RBFOX1: variants seen among roughly 807,000 people sequenced by gnomAD.
RBFOX1 encodes RNA binding fox-1 homolog 1.
Under a neutral mutation model 57.7 loss-of-function variants are expected in RBFOX1, and 8 were observed. That is an observed-to-expected ratio of 0.14 (90% confidence interval 0.08 to 0.25). RBFOX1 has a LOEUF of 0.25. Ranked by LOEUF, RBFOX1 falls within the 10% of genes least tolerant of loss-of-function variation. RBFOX1 has a pLI of 1.00. For missense variants in RBFOX1, 611 were observed against 548.5 expected (o/e 1.11, Z -1.14); for synonymous variants, 326 against 222.4 (o/e 1.47, Z -4.15).
At chr16:5,874,846 G>T (rs2057563980) in intron 4 of RBFOX1, among the ~76,000 whole-genome samples, 1 of 152,124 alleles carries the variant, frequency 6.6e-6, no homozygotes. Flanking sequence ...TCAGGAGGCT[G>T]AGACGGGAGG....
At chr16:6,860,568 C>T (rs923329626) in intron 3 of RBFOX1, among the ~76,000 whole-genome samples, 1 of 152,134 alleles carries the variant, frequency 6.6e-6, no homozygotes, top group African/African-American at 2.4e-5. Flanking sequence ...TAAATGCACA[C>T]ATGAAGGAGA....
chr16:7,344,915 C>T (rs2096965851), intron 4 of RBFOX1, among the ~76,000 whole-genome samples: 1 of 152,180 alleles, frequency 6.6e-6, no homozygotes, highest in African/African-American at 2.4e-5. Flanking sequence ...CGATATTGTG[C>T]CGCTGTCATT....
intron 4 of RBFOX1, among the ~76,000 whole-genome samples, chr16:7,122,681 A>C (rs538841540): frequency 6.6e-6 from 1 of 152,280 alleles, no homozygotes; most frequent in South Asian, 2.1e-4. Flanking sequence ...AAAGTTAAGT[A>C]TATGCTTATC....
At chr16:6,985,784 A>G (rs1457511878) in intron 3 of RBFOX1, among the ~76,000 whole-genome samples, 1 of 143,132 alleles carries the variant, frequency 7.0e-6, no homozygotes, top group Non-Finnish European at 1.5e-5. Context: ...CAATGAGCTT[A>G]GTTGGTGCTA....
At chr16:7,670,536 C>T (rs753045483) in intron 13 of RBFOX1, among the ~76,000 whole-genome samples, 18 of 152,000 alleles carry the variant, frequency 1.2e-4, no homozygotes, top group Admixed American at 8.5e-4. Context: ...AAAAGCATAA[C>T]GGGGTGGTTA....
At chr16:7,563,465 T>C (rs1375673888) in intron 5 of RBFOX1, among the ~76,000 whole-genome samples, 2 of 152,186 alleles carry the variant, frequency 1.3e-5, no homozygotes, top group African/African-American at 4.8e-5. Flanking sequence ...TATATATACA[T>C]GTTTTTTTCT....
chr16:7,070,229 A>G (rs982586750), intron 4 of RBFOX1, among the ~76,000 whole-genome samples: 1 of 152,220 alleles, frequency 6.6e-6, no homozygotes, highest in Non-Finnish European at 1.5e-5. Context: ...TTGCTCACAT[A>G]TGAGGAGACT....
chr16:6,858,668 A>T (rs1307448175), intron 3 of RBFOX1, among the ~76,000 whole-genome samples: 1 of 152,188 alleles, frequency 6.6e-6, no homozygotes, highest in African/African-American at 2.4e-5. Flanking sequence ...CTACTAAAAA[A>T]TAGAAACAAT....
At chr16:5,618,591 C>T (rs2048115943) in intron 3 of RBFOX1, among the ~76,000 whole-genome samples, 1 of 152,220 alleles carries the variant, frequency 6.6e-6, no homozygotes, top group Admixed American at 6.5e-5. Flanking sequence ...CCTGCCTCGG[C>T]CTCCCAAAGT....
chr16:7,026,059 A>G (rs1456826642), intron 3 of RBFOX1, among the ~76,000 whole-genome samples: 1 of 152,186 alleles, frequency 6.6e-6, no homozygotes, highest in African/African-American at 2.4e-5. Context: ...GGACTAGCGC[A>G]GCTGCTGTGT....
Position 5,749,443 on chromosome 16 carries a change from TAA to T in RBFOX1, c.319-117859_319-117858del, listed in dbSNP as rs1417039118. Among the ~76,000 whole-genome samples the T allele has an allele frequency of 2.8e-3, 426 of 152,364 alleles. 1 individual carries two copies. Among genetic ancestry groups the T allele is most frequent in the South Asian group, 0.01 (49 of 4,822 alleles). ...GCTAGGTTGGGGAAGTTCTCCTGGA[TAA>T]TATCCTGCAGAGTGTTTTCCAACTT... On this transcript the variant is annotated intron_variant, in intron 3 of 19. Transcript: ENST00000641259.
chr16:7,094,118 G>C (rs149201352), intron 4 of RBFOX1, among the ~76,000 whole-genome samples: 52 of 150,958 alleles, frequency 3.4e-4, no homozygotes, highest in South Asian at 6.4e-4. Context: ...TTTACATTTT[G>C]AGTGGTGTTT....
At chr16:6,226,162 C>G (rs1447053075) in intron 1 of RBFOX1, among the ~76,000 whole-genome samples, 1 of 147,394 alleles carries the variant, frequency 6.8e-6, no homozygotes, top group Non-Finnish European at 1.5e-5. Flanking sequence ...GAATTCGAGA[C>G]CAGCCTGCAA....
intron 4 of RBFOX1, among the ~76,000 whole-genome samples, chr16:7,241,608 G>T (rs2094063246): frequency 6.6e-6 from 1 of 151,872 alleles, no homozygotes; most frequent in African/African-American, 2.4e-5. Flanking sequence ...GTTTTATCTG[G>T]AATTTATAAT....
intron 2 of RBFOX1, among the ~76,000 whole-genome samples, chr16:6,468,930 C>T (rs898225654): frequency 6.6e-6 from 1 of 152,032 alleles, no homozygotes; most frequent in Non-Finnish European, 1.5e-5. Context: ...TTTCTTCATC[C>T]TCTCCCTCCT....
At chr16:6,270,074 G>A (rs749858375) in intron 1 of RBFOX1, among the ~76,000 whole-genome samples, 2 of 152,002 alleles carry the variant, frequency 1.3e-5, no homozygotes, top group African/African-American at 2.4e-5. Context: ...AAAAAAATCT[G>A]TAAAAGGAGA....
intron 1 of RBFOX1, among the ~76,000 whole-genome samples, chr16:6,095,090 A>C (rs766803792): frequency 6.6e-6 from 1 of 152,156 alleles, no homozygotes; most frequent in African/African-American, 2.4e-5. Flanking sequence ...AATGAAACAC[A>C]CATGAAACCC....
At chr16:6,563,390 C>T (rs1213244186) in intron 2 of RBFOX1, among the ~76,000 whole-genome samples, 1 of 152,182 alleles carries the variant, frequency 6.6e-6, no homozygotes, top group African/African-American at 2.4e-5. Context: ...TTATTACCCT[C>T]ATTTATCAGA....
chr16:7,380,771 A>G (rs1245796273), intron 4 of RBFOX1, among the ~76,000 whole-genome samples: 4 of 152,232 alleles, frequency 2.6e-5, no homozygotes, highest in African/African-American at 9.6e-5. Context: ...CTAGGGGAAA[A>G]TAAGAAATGT....
Sources: allele counts gnomAD v4.1 joint callset (sites outside exome capture counted in the v4.1 genomes callset), GRCh38; gene constraint gnomAD v4.1.1; transcripts MANE v1.5; gene names NCBI Gene and HGNC (gene_info 2026-07-23, HGNC 2026-07-21).